Variants in GXYLT2 observed in about 807,000 individuals in gnomAD.
GXYLT2 encodes glucoside xylosyltransferase 2.
Under a neutral mutation model 45.8 loss-of-function variants are expected in GXYLT2, and 53 were observed. The ratio of observed to expected loss-of-function variants is 1.16; its 90% CI spans 0.93 to 1.46. GXYLT2 has a LOEUF of 1.46. Ranked by LOEUF, GXYLT2 falls within the 40% of genes most tolerant of loss-of-function variation. The probability of loss-of-function intolerance (pLI) is 0.00; values close to 1 mark genes in which losing one functional copy is unlikely to be tolerated. For synonymous variants in GXYLT2, 219 were observed against 214.2 expected (o/e 1.02, Z -0.19); for missense variants, 551 against 544.4 (o/e 1.01, Z -0.12).
At chr3:72,930,064 G>T (rs1203531472) in intron 3 of GXYLT2, among the ~76,000 whole-genome samples, 1 of 150,430 alleles carries the variant, frequency 6.6e-6, no homozygotes, top group African/African-American at 2.4e-5. Flanking sequence ...TACTCGAGAG[G>T]GTGAGCCAGG....
chr3:72,905,034 C>T (rs1709483122), intron 1 of GXYLT2, among the ~76,000 whole-genome samples: 1 of 130,356 alleles, frequency 7.7e-6, no homozygotes, highest in African/African-American at 2.9e-5. Context: ...CACTGCACTC[C>T]AGCCTGGGCA....
chr3:72,969,927 A>AAAC lies in GXYLT2; in HGVS notation c.1149+2208_1149+2209insAAC, dbSNP rs565563001. ...TGCATTTGAAAAAAAAAAAACAAAA[A>AAAC]CATTTAAGGCCCAGCACAGTGACTC... On this transcript the variant is annotated intron_variant, in intron 6 of 6. Coordinates refer to ENST00000389617, the MANE Select transcript of GXYLT2 (RefSeq NM_001080393.2). Among the ~76,000 whole-genome samples the AAAC allele has an allele frequency of 4.1e-5, 6 of 146,442 alleles. 1 individual carries two copies. Among genetic ancestry groups the AAAC allele is most frequent in the East Asian group, 2.1e-4 (1 of 4,672 alleles).
At chr3:72,919,011 G>A (rs947634337) in intron 2 of GXYLT2, among the ~76,000 whole-genome samples, 1 of 152,168 alleles carries the variant, frequency 6.6e-6, no homozygotes, top group Non-Finnish European at 1.5e-5. Flanking sequence ...GGAGCAACAG[G>A]AACTCTCATT....
chr3:72,939,475 A>G (rs958060323), intron 3 of GXYLT2, among the ~76,000 whole-genome samples: 1 of 152,128 alleles, frequency 6.6e-6, no homozygotes, highest in Non-Finnish European at 1.5e-5. Context: ...AGGAAGCATT[A>G]TATAGCAACA....
chr3:72,935,126 A>G (rs1353753821), intron 3 of GXYLT2, among the ~76,000 whole-genome samples: 1 of 152,190 alleles, frequency 6.6e-6, no homozygotes, highest in Non-Finnish European at 1.5e-5. Context: ...AGATGAATAA[A>G]ACTTCTAAAG....
chr3:72,943,771 A>G (rs1014911431), intron 3 of GXYLT2, among the ~76,000 whole-genome samples: 2 of 152,174 alleles, frequency 1.3e-5, no homozygotes, highest in African/African-American at 4.8e-5. Flanking sequence ...TTAAGGACAG[A>G]CACACTGTTG....
At chr3:72,899,696 T>C (rs545560327) in intron 1 of GXYLT2, among the ~76,000 whole-genome samples, 10 of 152,296 alleles carry the variant, frequency 6.6e-5, no homozygotes, top group African/African-American at 2.2e-4. Context: ...CTAGGGGCCA[T>C]ATCAAGGTGT....
intron 2 of GXYLT2, among the ~76,000 whole-genome samples, chr3:72,913,290 G>A (rs567114566): frequency 2.0e-5 from 3 of 151,014 alleles, no homozygotes; most frequent in Non-Finnish European, 3.0e-5. Context: ...CGCCCGCCTC[G>A]GCCTCCCAAA....
At chr3:72,934,879 A>AG (rs1710148223) in intron 3 of GXYLT2, among the ~76,000 whole-genome samples, 1 of 152,196 alleles carries the variant, frequency 6.6e-6, no homozygotes, top group Non-Finnish European at 1.5e-5. Flanking sequence ...GAGATTTGGA[A>AG]GCATATCTAT....
At chr3:72,966,456 ATCT>A (rs1249751970) in intron 5 of GXYLT2, among the ~76,000 whole-genome samples, 1 of 65,474 alleles carries the variant, frequency 1.5e-5, no homozygotes, top group African/African-American at 7.1e-5. Flanking sequence ...TTTTGTGTGT[ATCT>A]TTTTTTTTTT....
chr3:72,946,661 C>T (rs908594225), intron 3 of GXYLT2, among the ~76,000 whole-genome samples: 1 of 152,102 alleles, frequency 6.6e-6, no homozygotes, highest in Non-Finnish European at 1.5e-5. Flanking sequence ...TAATCCTATT[C>T]GTGAGGGCTC....
At chr3:72,892,952 C>A (rs1256165827) in intron 1 of GXYLT2, among the ~76,000 whole-genome samples, 1 of 152,156 alleles carries the variant, frequency 6.6e-6, no homozygotes, top group Non-Finnish European at 1.5e-5. Flanking sequence ...CCAGTTCCAC[C>A]ATTTCCACTC....
At chr3:72,914,080 T>A (rs1484194730) in intron 2 of GXYLT2, among the ~76,000 whole-genome samples, 1 of 152,108 alleles carries the variant, frequency 6.6e-6, no homozygotes, top group Non-Finnish European at 1.5e-5. Flanking sequence ...CCAGGGTTTT[T>A]TTTGGGATAA....
At position 72,975,188 on chromosome 3, in the gene GXYLT2, G is replaced by T; in HGVS notation, c.*29G>T. 3 of 1,572,574 alleles carry T rather than the reference G, an allele frequency of 1.9e-6. No homozygotes were observed. The highest frequency in any genetic ancestry group is 2.3e-5 in the South Asian group (2 of 88,290). ...TTTTGTCTTGTTGCAAGTCAATTAG[G>T]TGTCTTGTGACCAAGGAAATACTAA... is the stretch of plus-strand genomic sequence containing the variant. On this transcript the variant is annotated 3_prime_UTR_variant, in exon 7 of 7. Transcript: ENST00000389617.
At chr3:72,939,549 A>G (rs1441677173) in intron 3 of GXYLT2, among the ~76,000 whole-genome samples, 3 of 152,238 alleles carry the variant, frequency 2.0e-5, no homozygotes, top group African/African-American at 7.2e-5. Context: ...ATCAAAGAGG[A>G]TACTTGAGAA....
At chr3:72,944,531 A>G (rs1473595785) in intron 3 of GXYLT2, among the ~76,000 whole-genome samples, 2 of 152,094 alleles carry the variant, frequency 1.3e-5, no homozygotes, top group East Asian at 3.9e-4. Flanking sequence ...CTGGGAGTAC[A>G]CCGCACCCGG....
chr3:72,941,502 A>G (rs1710297702), intron 3 of GXYLT2, among the ~76,000 whole-genome samples: 1 of 152,152 alleles, frequency 6.6e-6, no homozygotes, highest in Admixed American at 6.5e-5. Flanking sequence ...CCTCTGCCAT[A>G]CTGTTGCCTG....
intron 2 of GXYLT2, among the ~76,000 whole-genome samples, chr3:72,917,359 C>G (rs1350129862): frequency 6.6e-6 from 1 of 152,110 alleles, no homozygotes; most frequent in Non-Finnish European, 1.5e-5. Context: ...TCAGTACTGT[C>G]ATACTGAGAG....
At chr3:72,924,999 A>G (rs941092227) in intron 3 of GXYLT2, among the ~76,000 whole-genome samples, 4 of 152,032 alleles carry the variant, frequency 2.6e-5, no homozygotes, top group African/African-American at 9.7e-5. Flanking sequence ...AGCAGAAGGA[A>G]TCGTCACATC....
Sources: allele counts gnomAD v4.1 joint callset (sites outside exome capture counted in the v4.1 genomes callset), GRCh38; gene constraint gnomAD v4.1.1; transcripts MANE v1.5; gene names NCBI Gene and HGNC (gene_info 2026-07-23, HGNC 2026-07-21).